TMEM131: variants seen among roughly 807,000 people sequenced by gnomAD.
TMEM131 encodes the protein transmembrane protein 131, also known as 2610524E03Rik.
TMEM131 carries 66 observed loss-of-function variants against 211.6 expected under a neutral mutation model. The observed-to-expected ratio is 0.31, with a 90% confidence interval of 0.26 to 0.38. TMEM131 has a LOEUF of 0.38. Ranked by LOEUF, TMEM131 falls within the 10% of genes least tolerant of loss-of-function variation. The probability of loss-of-function intolerance (pLI) is 1.00; values close to 1 mark genes in which losing one functional copy is unlikely to be tolerated. For synonymous variants in TMEM131, 844 were observed against 841.3 expected (o/e 1.00, Z -0.06); for missense variants, 2,036 against 2,299.3 (o/e 0.89, Z 2.34).
At chr2:97,780,729 C>T (rs1679954716) in intron 31 of TMEM131, among the ~76,000 whole-genome samples, 1 of 152,070 alleles carries the variant, frequency 6.6e-6, no homozygotes, top group South Asian at 2.1e-4. Context: ...TTAATGAACT[C>T]AATGAACAGT....
chr2:97,893,258 A>G (rs764138372), intron 3 of TMEM131, among the ~76,000 whole-genome samples: 2 of 152,160 alleles, frequency 1.3e-5, no homozygotes, highest in Non-Finnish European at 2.9e-5. Flanking sequence ...TCCATGGTGT[A>G]TATGTGCCAC....
At chr2:97,758,847 G>T in intron 40 of TMEM131, 46 bp downstream of exon 40, 2 of 1,567,044 alleles carry the variant, frequency 1.3e-6, no homozygotes, top group Non-Finnish European at 1.7e-6. Context: ...CAGATGGCGA[G>T]TGGGTGGGCC....
chr2:97,860,579 A>T (rs1213635270), intron 4 of TMEM131, among the ~76,000 whole-genome samples: 1 of 152,204 alleles, frequency 6.6e-6, no homozygotes, highest in African/African-American at 2.4e-5. Context: ...GTTCTTCAAG[A>T]AGTTCTGTCT....
At chr2:97,957,092 G>A (rs1334333915) in intron 1 of TMEM131, among the ~76,000 whole-genome samples, 4 of 128,134 alleles carry the variant, frequency 3.1e-5, no homozygotes, top group Admixed American at 7.9e-5. Context: ...GTGAGACTCC[G>A]TCTCAAAAAA....
At chr2:97,982,829 A>G (rs544916165) in intron 1 of TMEM131, among the ~76,000 whole-genome samples, 5 of 152,358 alleles carry the variant, frequency 3.3e-5, no homozygotes, top group African/African-American at 1.2e-4. Context: ...GGGTGATGTC[A>G]GAGGCCATGA....
intron 1 of TMEM131, among the ~76,000 whole-genome samples, chr2:97,981,028 CAAAAAAAAAAAAAAAAAAA>C (rs57606185): frequency 3.6e-3 from 138 of 37,968 alleles, no homozygotes; most frequent in African/African-American, 8.9e-3. Flanking sequence ...AACTACACAC[CAAAAAAAAAAAAAAAAAAA>C]AAAAAAAAAA....
chr2:97,884,042 TG>T (rs1486966983), intron 4 of TMEM131, among the ~76,000 whole-genome samples: 1 of 150,958 alleles, frequency 6.6e-6, no homozygotes, highest in African/African-American at 2.4e-5. Context: ...TCTAGTTTTT[TG>T]ATGTAGGATT....
At chr2:97,981,927 A>G (rs1320282397) in intron 1 of TMEM131, among the ~76,000 whole-genome samples, 1 of 152,154 alleles carries the variant, frequency 6.6e-6, no homozygotes, top group Non-Finnish European at 1.5e-5. Context: ...ATTCCATTTG[A>G]TCTATTCTTC....
intron 8 of TMEM131, among the ~76,000 whole-genome samples, chr2:97,836,724 CTACATTTTTTTAATCATT>C (rs1212281487): frequency 1.3e-5 from 2 of 152,064 alleles, no homozygotes; most frequent in Non-Finnish European, 2.9e-5. Flanking sequence ...TGAATGCTTC[CTACATTTTTTTAATCATT>C]TACATTTTTT....
intron 32 of TMEM131, 105 bp downstream of exon 32, chr2:97,775,738 C>G: frequency 7.8e-7 from 1 of 1,282,416 alleles, no homozygotes; most frequent in Middle Eastern, 2.6e-4. Flanking sequence ...TAGATTTAAA[C>G]ATTACTTTTG....
intron 29 of TMEM131, among the ~76,000 whole-genome samples, 190 bp from the exon 30 acceptor site, chr2:97,793,743 C>T (rs1384518933): frequency 6.6e-6 from 1 of 151,908 alleles, no homozygotes; most frequent in Non-Finnish European, 1.5e-5. Context: ...GCCTATAATC[C>T]CAGCACTTTG....
At chr2:97,783,358 A>G (rs1680102986) in intron 31 of TMEM131, among the ~76,000 whole-genome samples, 1 of 152,138 alleles carries the variant, frequency 6.6e-6, no homozygotes, top group Non-Finnish European at 1.5e-5. Context: ...GGAACCTTGG[A>G]GGATTAGGAA....
Position 97,956,166 on chromosome 2 carries a change from T to C in TMEM131, c.188-28679A>G, listed in dbSNP as rs574704643. On this transcript the variant is annotated intron_variant, in intron 1 of 40. Coordinates refer to ENST00000186436, the MANE Select transcript of TMEM131 (RefSeq NM_015348.2). ...TGCCAAAATGACATGCACAGACTAA[T>C]GGAATAGAACAGATGACCCAGAAAG... 9.2e-5 allele frequency among the ~76,000 whole-genome samples: 14 copies of C among 152,268 alleles called. No homozygotes were observed. The East Asian group carries it at 1.5e-3, about 17-fold the overall frequency.
At chr2:97,945,835 G>A (rs1001470888) in intron 1 of TMEM131, among the ~76,000 whole-genome samples, 2 of 152,036 alleles carry the variant, frequency 1.3e-5, no homozygotes, top group Non-Finnish European at 2.9e-5. Flanking sequence ...AAATCTCAAC[G>A]TTTGAACACA....
Position 97,921,949 on chromosome 2 carries a change from A to C in TMEM131, c.249+5477T>G, listed in dbSNP as rs1395201995. On this transcript the variant is annotated intron_variant, in intron 2 of 40. Coordinates refer to ENST00000186436, the MANE Select transcript of TMEM131 (RefSeq NM_015348.2). Reference sequence around the variant, plus strand: ...TTCCTGATGACAGGTTTGCAAACTAAAACAACCACTTTGGAAAACTATATG... The same window carrying C: ...TTCCTGATGACAGGTTTGCAAACTACAACAACCACTTTGGAAAACTATATG... Among the ~76,000 whole-genome samples the C allele has an allele frequency of 4.6e-5, 7 of 152,346 alleles. No individual in the cohort carries two copies. In the East Asian group the frequency reaches 1.3e-3, roughly 29 times the overall value.
chr2:97,943,569 A>G (rs901802220), intron 1 of TMEM131, among the ~76,000 whole-genome samples: 1 of 152,214 alleles, frequency 6.6e-6, no homozygotes, highest in African/African-American at 2.4e-5. Flanking sequence ...AATACTTAAT[A>G]ATGTTAAAAT....
intron 4 of TMEM131, among the ~76,000 whole-genome samples, chr2:97,863,977 G>A (rs572948383): frequency 2.0e-5 from 3 of 152,288 alleles, no homozygotes; most frequent in South Asian, 4.1e-4. Flanking sequence ...AGCCACCTAA[G>A]TGTTTATTAC....
chr2:97,968,254 C>T (rs551018164), intron 1 of TMEM131, among the ~76,000 whole-genome samples: 28 of 152,128 alleles, frequency 1.8e-4, no homozygotes, highest in African/African-American at 6.5e-4. Flanking sequence ...CAGATAAGAA[C>T]CGAGGAGTGA....
In TMEM131 at chr2:97,785,016, T is replaced by C. The variant is rs371020598; in HGVS notation, c.4144+7370A>G. ...ATTCACATAAATGTGGTAACTTAGA[T>C]GAAATGATGGACCACTTGATTAAAA... On this transcript the variant is annotated intron_variant, in intron 31 of 40. Coordinates refer to ENST00000186436, the MANE Select transcript of TMEM131 (RefSeq NM_015348.2). Among the ~76,000 whole-genome samples the C allele has an allele frequency of 4.6e-5, 7 of 152,298 alleles. No individual in the cohort carries two copies. In the East Asian group the frequency reaches 9.6e-4, roughly 21 times the overall value.
Sources: allele counts gnomAD v4.1 joint callset (sites outside exome capture counted in the v4.1 genomes callset), GRCh38; gene constraint gnomAD v4.1.1; transcripts MANE v1.5; gene names NCBI Gene and HGNC (gene_info 2026-07-23, HGNC 2026-07-21).